NTNG1: variants seen among roughly 807,000 people sequenced by gnomAD.
NTNG1 encodes netrin G1, also known as netrin-G1.
In NTNG1, 16 loss-of-function variants were observed where a neutral mutation model predicts 54.0. The observed-to-expected ratio is 0.30, with a 90% CI of 0.20 to 0.45. The LOEUF (loss-of-function observed/expected upper bound fraction) is 0.45. Ranked by LOEUF, NTNG1 falls within the 20% of genes least tolerant of loss-of-function variation. The pLI, the probability that NTNG1 is intolerant of heterozygous loss-of-function variation, is 1.00. For synonymous variants in NTNG1, 255 were observed against 263.1 expected (o/e 0.97, Z 0.30); for missense variants, 530 against 678.7 (o/e 0.78, Z 2.43).
chr1:107,235,382 A>G (rs1190840436), intron 2 of NTNG1, among the ~76,000 whole-genome samples: 1 of 152,206 alleles, frequency 6.6e-6, no homozygotes, highest in African/African-American at 2.4e-5. Flanking sequence ...AATGACCTAC[A>G]TCTTCATACC....
chr1:107,224,311 G>T (rs868631954), intron 2 of NTNG1, among the ~76,000 whole-genome samples: 1 of 152,130 alleles, frequency 6.6e-6, no homozygotes, highest in Non-Finnish European at 1.5e-5. Context: ...CAAAGCTCAC[G>T]TTGTAAAGTT....
rs111524547 is a variant in NTNG1 at position 107,330,593 on chromosome 1, A to C, written c.887+5671A>C. ...GGGGCCAAAACTAAAATGGGGAATA[A>C]ATACTGAAACAGGCTTTTAGTTAAT... On this transcript the variant is annotated intron_variant, in intron 3 of 7. Transcript: ENST00000370068. Among the ~76,000 whole-genome samples the C allele has an allele frequency of 6.4e-3, 977 of 152,236 alleles. 8 individuals carry two copies. The highest frequency in any genetic ancestry group is 0.022 in the African/African-American group (928 of 41,540).
intron 2 of NTNG1, among the ~76,000 whole-genome samples, chr1:107,196,941 GGT>G (rs142364219): frequency 1.3e-5 from 2 of 151,404 alleles, no homozygotes; most frequent in African/African-American, 2.4e-5. Context: ...TTCTCGGGCG[GGT>G]GTGTGTGTGT....
At chr1:107,393,748 C>T (rs535382889) in intron 3 of NTNG1, among the ~76,000 whole-genome samples, 3 of 151,604 alleles carry the variant, frequency 2.0e-5, no homozygotes, top group South Asian at 2.1e-4. Context: ...TTTTCCTTGC[C>T]GTAAGTATGG....
chr1:107,304,149 T>C (rs1288173089), intron 2 of NTNG1, among the ~76,000 whole-genome samples: 3 of 152,182 alleles, frequency 2.0e-5, no homozygotes, highest in African/African-American at 2.4e-5. Context: ...TTCTTACTCC[T>C]TATCTTCTTT....
chr1:107,226,699 C>T (rs1392639995), intron 2 of NTNG1, among the ~76,000 whole-genome samples: 2 of 152,028 alleles, frequency 1.3e-5, no homozygotes, highest in Non-Finnish European at 2.9e-5. Flanking sequence ...ATTGTGTGAC[C>T]CCATCCCTAC....
chr1:107,276,659 G>A (rs909880685), intron 2 of NTNG1, among the ~76,000 whole-genome samples: 1 of 151,936 alleles, frequency 6.6e-6, no homozygotes, highest in Non-Finnish European at 1.5e-5. Context: ...GGTCAAAGAC[G>A]AGGTCATATT....
intron 2 of NTNG1, among the ~76,000 whole-genome samples, chr1:107,220,056 T>C (rs1660236062): frequency 6.6e-6 from 1 of 152,142 alleles, no homozygotes. Flanking sequence ...TGGACAAGGC[T>C]TGCTGCCCAA....
Position 107,339,184 on chromosome 1 carries a change from T to G in NTNG1, c.887+14262T>G, listed in dbSNP as rs149137688. ...TTCAAAGCTAGGCCTCCAGCTCCAC[T>G]AGGGGCTCTCAAATTCTCTTTGGTT... On this transcript the variant is annotated intron_variant, in intron 3 of 7. Transcript: ENST00000370068. Among the ~76,000 whole-genome samples, 726 of 152,134 alleles carry G rather than the reference T, an allele frequency of 4.8e-3. 9 individuals carry two copies. The highest frequency in any genetic ancestry group is 0.017 in the African/African-American group (689 of 41,542).
chr1:107,242,952 T>G (rs1661944378), intron 2 of NTNG1, among the ~76,000 whole-genome samples: 1 of 152,202 alleles, frequency 6.6e-6, no homozygotes, highest in South Asian at 2.1e-4. Flanking sequence ...TTAGCACATG[T>G]CAATATGTCA....
intron 2 of NTNG1, among the ~76,000 whole-genome samples, chr1:107,156,646 G>A (rs1655019384): frequency 1.3e-5 from 2 of 152,178 alleles, no homozygotes; most frequent in Non-Finnish European, 2.9e-5. Context: ...TCAATGTTGT[G>A]TATGTTTTTA....
At chr1:107,207,486 C>T (rs1287687881) in intron 2 of NTNG1, among the ~76,000 whole-genome samples, 1 of 152,124 alleles carries the variant, frequency 6.6e-6, no homozygotes, top group East Asian at 1.9e-4. Context: ...CCATTGTGTA[C>T]TTATTTGCTT....
Position 107,351,835 on chromosome 1 carries a change from G to A in NTNG1, c.887+26913G>A, listed in dbSNP as rs549256711. Among the ~76,000 whole-genome samples, 436 of 152,304 alleles carry A rather than the reference G, an allele frequency of 2.9e-3. 2 individuals are homozygous for A. Among genetic ancestry groups the A allele is most frequent in the Non-Finnish European group, 5.2e-3 (357 of 68,024 alleles). On this transcript the variant is annotated intron_variant, in intron 3 of 7. Transcript: ENST00000370068. ...TATCAGTCTGTAAAATCAAAAACAA[G>A]TTAGTTACCTCCAAGGTACAATTAG... is the stretch of plus-strand genomic sequence containing the variant.
In NTNG1 at chr1:107,376,394, T is replaced by C. The variant is rs146572143; in HGVS notation, c.888-18760T>C. ...CTGCACTCCAGCCTGGGTGACAGAGTGAGACTCCGTCTCAAAACAAAACAA... is the reference window on the plus strand; with the variant it reads ...CTGCACTCCAGCCTGGGTGACAGAGCGAGACTCCGTCTCAAAACAAAACAA... On this transcript the variant is annotated intron_variant, in intron 3 of 7. Coordinates refer to ENST00000370068, the MANE Select transcript of NTNG1 (RefSeq NM_001113226.3). 5.4e-3 allele frequency among the ~76,000 whole-genome samples: 777 copies of C among 144,762 alleles called. 6 individuals are homozygous for C. The highest frequency in any genetic ancestry group is 0.017 in the African/African-American group (679 of 38,878). 95.0% of individuals were successfully genotyped at this position (144,762 alleles called of 152,430 possible).
At chr1:107,162,824 C>A (rs1431632186) in intron 2 of NTNG1, among the ~76,000 whole-genome samples, 1 of 152,046 alleles carries the variant, frequency 6.6e-6, no homozygotes, top group Non-Finnish European at 1.5e-5. Context: ...TAACAATAGC[C>A]TTATAGTGCT....
intron 2 of NTNG1, among the ~76,000 whole-genome samples, chr1:107,193,147 A>G (rs573824545): frequency 6.6e-6 from 1 of 152,128 alleles, no homozygotes; most frequent in South Asian, 2.1e-4. Context: ...GGACAGTTGG[A>G]TGATTTTCTC....
At chr1:107,301,144 C>A (rs1225275343) in intron 2 of NTNG1, among the ~76,000 whole-genome samples, 2 of 151,964 alleles carry the variant, frequency 1.3e-5, no homozygotes, top group Admixed American at 1.3e-4. Flanking sequence ...TAGTATATTG[C>A]TTTAAAAAAT....
chr1:107,422,276 G>A (rs1248511091), intron 5 of NTNG1, among the ~76,000 whole-genome samples: 3 of 152,178 alleles, frequency 2.0e-5, no homozygotes, highest in Non-Finnish European at 4.4e-5. Context: ...GGTATGTGGT[G>A]TGTCATATAG....
intron 7 of NTNG1, among the ~76,000 whole-genome samples, chr1:107,460,020 T>G (rs766150998): frequency 4.6e-5 from 7 of 152,226 alleles, no homozygotes; most frequent in Non-Finnish European, 8.8e-5. Context: ...TTTCTCACTT[T>G]GTTCTTTTCC....
Sources: allele counts gnomAD v4.1 joint callset (sites outside exome capture counted in the v4.1 genomes callset), GRCh38; gene constraint gnomAD v4.1.1; transcripts MANE v1.5; gene names NCBI Gene and HGNC (gene_info 2026-07-23, HGNC 2026-07-21).